Variants in BCAR1 observed in about 807,000 individuals in gnomAD.
BCAR1 encodes the protein BCAR1 scaffold protein, Cas family member.
BCAR1 carries 30 observed loss-of-function variants against 67.6 expected under a neutral mutation model. That is an observed-to-expected ratio of 0.44 (90% CI 0.33 to 0.60). The LOEUF is 0.60. Ranked by LOEUF, BCAR1 falls within the 20% of genes least tolerant of loss-of-function variation. The pLI, the probability that BCAR1 is intolerant of heterozygous loss-of-function variation, is 0.02. For synonymous variants in BCAR1, 626 were observed against 556.7 expected (o/e 1.12, Z -1.75); for missense variants, 1,313 against 1,222.3 (o/e 1.07, Z -1.11).
intron 6 of BCAR1, among the ~76,000 whole-genome samples, chr16:75,231,027 G>A (rs62061221): frequency 6.8e-6 from 1 of 147,604 alleles, no homozygotes; most frequent in Non-Finnish European, 1.5e-5. Flanking sequence ...CAAGCTTTGT[G>A]GGGTTTTTTT....
rs59067758 is a variant in BCAR1, at chr16:75,256,766, C to T, written c.66+11149G>A. On this transcript the variant is annotated intron_variant, in intron 1 of 6. Coordinates refer to the BCAR1 transcript ENST00000393422. Reference sequence around the variant, plus strand: ...CCCAGGGTGCCGTTCAGAGGCTCTCCGCCCACCCCAGCAACCCCTTCCTCT... The same window carrying T: ...CCCAGGGTGCCGTTCAGAGGCTCTCTGCCCACCCCAGCAACCCCTTCCTCT... Among the ~76,000 whole-genome samples, 4,183 of 152,176 alleles carry T rather than the reference C, an allele frequency of 0.027. 306 individuals are homozygous for T. In the East Asian group the frequency reaches 0.32, roughly 12 times the overall value.
intron 1 of BCAR1, among the ~76,000 whole-genome samples, chr16:75,261,380 C>G (rs1035423289): frequency 1.3e-5 from 2 of 152,246 alleles, no homozygotes; most frequent in African/African-American, 2.4e-5. Flanking sequence ...CCAGGCCCCC[C>G]ACTCACCCTC....
chr16:75,230,011 C>G lies in BCAR1; in HGVS notation c.2113G>C (p.Glu705Gln). 1 of 1,535,610 alleles carries G rather than the reference C, an allele frequency of 6.5e-7. No individual in the cohort carries two copies. The highest frequency in any genetic ancestry group is 8.8e-7 in the Non-Finnish European group (1 of 1,139,488). ...CGTGACACCTCCTGTTCCAGTCGTT[C>G]AAACTGCTTCAGCTGGGGCAGGAGG... is the stretch of plus-strand genomic sequence containing the variant. ...QLELQQLKQF[E>Q]RLEQEVSRPI... Residue 705 changes from glutamate (E) to glutamine (Q), a missense_variant, in exon 7 of 7, where the codon GAA becomes CAA. By Grantham distance (29) the Glu-to-Gln change is conservative (BLOSUM62 2). Coordinates refer to ENST00000162330, the MANE Select transcript of BCAR1 (RefSeq NM_014567.5).
chr16:75,251,682 G>GTA (rs1477822211), upstream of BCAR1: 53 of 994,158 alleles, frequency 5.3e-5, no homozygotes, highest in Non-Finnish European at 6.3e-5. Context: ...CAGCATGCCC[G>GTA]GCCGCGCGCG....
At chr16:75,251,984 T>C (rs1192884411), upstream of BCAR1, 2 of 608,806 alleles carry the variant, frequency 3.3e-6, no homozygotes, top group East Asian at 2.9e-5. Flanking sequence ...AGCCGAGACA[T>C]GGCCTCAAGT....
Position 75,235,378 on chromosome 16 carries a change from A to G in BCAR1, c.1521T>C (p.Ala507=), listed in dbSNP as rs375275705. ...QEPLVQDLQA[A]VAAVQSAVHE... is the part of the protein sequence containing the mutation. ...GGACGGCACTCTGGACAGCGGCCAC[A>G]GCAGCCTGCAGGTCCTGCACCAGCG... The change falls in exon 5 of 7, where the codon GCT becomes GCC. Residue 507 remains alanine (A), a synonymous_variant. Transcript: ENST00000162330. 3.8e-5 allele frequency: 61 copies of G among 1,601,936 alleles called. No individual in the cohort carries two copies. Among genetic ancestry groups the G allele is most frequent in the Middle Eastern group, 1.7e-4 (1 of 6,056 alleles).
intron 1 of BCAR1, among the ~76,000 whole-genome samples, chr16:75,257,847 C>T (rs1034943012): frequency 7.2e-5 from 11 of 152,206 alleles, no homozygotes; most frequent in African/African-American, 2.7e-4. Context: ...TAGATAAAGG[C>T]TCCTCTGCCC....
At chr16:75,237,565 A>G (rs767435196) in intron 2 of BCAR1, 42 of 536,066 alleles carry the variant, frequency 7.8e-5, no homozygotes, top group Middle Eastern at 4.8e-4. Flanking sequence ...TTTTATTCAG[A>G]GCTGCCTCGT....
chr16:75,266,764 G>T, intron 1 of BCAR1: 1 of 1,453,940 alleles, frequency 6.9e-7, no homozygotes, highest in Non-Finnish European at 9.2e-7. Context: ...GCTTCCTGGG[G>T]ACGGTGGGTG....
rs757321655 is a variant in BCAR1 at position 75,235,100 on chromosome 16, T to C, written c.1799A>G (p.Asn600Ser). The C allele has an allele frequency of 3.1e-5, 50 of 1,612,076 alleles. No individual in the cohort carries two copies. Among genetic ancestry groups the C allele is most frequent in the East Asian group, 1.1e-4 (5 of 44,886 alleles). Residue 600 changes from asparagine to serine, a missense_variant, in exon 5 of 7, where the codon AAT (asparagine) becomes AGT (serine). By Grantham distance (46) the Asn-to-Ser change is conservative. Transcript: ENST00000162330. ...GGTCCGTCTGAAGAGCAGTGAGGCA[T>C]TGCCGTGCAGGAAGGAGGCCAGCTG... ...AKQLASFLHG[N>S]ASLLFRRTKA...
At chr16:75,261,257 G>A (rs1300421198) in intron 1 of BCAR1, among the ~76,000 whole-genome samples, 2 of 152,254 alleles carry the variant, frequency 1.3e-5, no homozygotes, top group Non-Finnish European at 2.9e-5. Context: ...CAGGGCTGCA[G>A]CAAAGCCAAG....
intron 2 of BCAR1, among the ~76,000 whole-genome samples, chr16:75,239,916 C>T (rs562836684): frequency 6.6e-6 from 1 of 152,220 alleles, no homozygotes; most frequent in African/African-American, 2.4e-5. Flanking sequence ...CCATGGCTGT[C>T]TCCTTAGACA....
chr16:75,251,393 A>C (rs1266965521), intron 1 of BCAR1, 78 bp downstream of exon 1: 1 of 1,462,574 alleles, frequency 6.8e-7, no homozygotes, highest in Admixed American at 2.4e-5. Flanking sequence ...CCGGCAGGAA[A>C]TGCCGCTCGC....
intron 1 of BCAR1, chr16:75,247,981 G>T: frequency 1.1e-6 from 1 of 904,122 alleles, no homozygotes; most frequent in South Asian, 1.3e-5. Flanking sequence ...TCCTCCCTGC[G>T]GGAGGCAGAG....
intron 1 of BCAR1, chr16:75,246,292 G>C (rs551424203): frequency 2.6e-5 from 4 of 152,258 alleles, no homozygotes; most frequent in African/African-American, 7.2e-5. Flanking sequence ...TTTAACAAAA[G>C]ATTCGCCTGG....
chr16:75,229,438 G>C lies in BCAR1; in HGVS notation c.*73C>G. On this transcript the variant is annotated 3_prime_UTR_variant, in exon 7 of 7. Coordinates refer to ENST00000162330, the MANE Select transcript of BCAR1 (RefSeq NM_014567.5). ...CCTGTCCCTAAGCCTGTGGCACAGC[G>C]ACTCTTGACATGGGAGCCAGGGAGC... The C allele has an allele frequency of 6.9e-7, 1 of 1,447,276 alleles. No homozygotes were observed. Among genetic ancestry groups the C allele is most frequent in the South Asian group, 1.4e-5 (1 of 69,486 alleles). 89.7% of individuals were successfully genotyped at this position (1,447,276 alleles called of 1,614,324 possible).
intron 4 of BCAR1, 74 bp from the exon 5 acceptor site, chr16:75,236,060 C>CGA: frequency 7.3e-7 from 1 of 1,367,860 alleles, no homozygotes. Context: ...CAGCACCCAG[C>CGA]CACACACACA....
intron 1 of BCAR1, among the ~76,000 whole-genome samples, chr16:75,260,996 T>C (rs1166784926): frequency 6.6e-6 from 1 of 152,218 alleles, no homozygotes; most frequent in Non-Finnish European, 1.5e-5. Context: ...TTGGTAGGGC[T>C]TAAATAATAA....
intron 1 of BCAR1, among the ~76,000 whole-genome samples, chr16:75,258,923 G>GA (rs375555248): frequency 6.6e-6 from 1 of 152,052 alleles, no homozygotes; most frequent in African/African-American, 2.4e-5. Context: ...GATGGCCAGG[G>GA]AAAAAAAGAG....
Sources: allele counts gnomAD v4.1 joint callset (sites outside exome capture counted in the v4.1 genomes callset), GRCh38; gene constraint gnomAD v4.1.1; transcripts MANE v1.5; gene names NCBI Gene and HGNC (gene_info 2026-07-23, HGNC 2026-07-21).